The following HPCAL1 variants were observed in gnomAD, a reference collection of about 807,000 sequenced individuals.
HPCAL1 encodes the protein hippocalcin-like protein 1.
Under a neutral mutation model 17.1 loss-of-function variants are expected in HPCAL1, and 8 were observed. That is an observed-to-expected ratio of 0.47 (90% CI 0.27 to 0.84). HPCAL1 has a LOEUF of 0.84. Ranked by LOEUF, HPCAL1 falls within the 40% of genes least tolerant of loss-of-function variation. HPCAL1 has a pLI of 0.13. For missense variants in HPCAL1, 165 were observed against 271.1 expected (o/e 0.61, Z 2.75); for synonymous variants, 112 against 111.4 (o/e 1.01, Z -0.03).
At chr2:10,409,202 A>G (rs976785005) in intron 2 of HPCAL1, among the ~76,000 whole-genome samples, 1 of 152,224 alleles carries the variant, frequency 6.6e-6, no homozygotes, top group African/African-American at 2.4e-5. Flanking sequence ...GGTTGTGACC[A>G]TAGTGGACAA....
At chr2:10,369,709 G>C (rs1157951223) in intron 1 of HPCAL1, among the ~76,000 whole-genome samples, 1 of 152,208 alleles carries the variant, frequency 6.6e-6, no homozygotes, top group African/African-American at 2.4e-5. Flanking sequence ...TGGTGGTTAA[G>C]CCAGCTAACT....
chr2:10,375,581 A>G (rs1572751094), intron 1 of HPCAL1, among the ~76,000 whole-genome samples: 1 of 152,262 alleles, frequency 6.6e-6, no homozygotes, highest in South Asian at 2.1e-4. Flanking sequence ...TTGGGTTAAC[A>G]TAAACTCTGA....
At chr2:10,404,178 G>A (rs1229884092) in intron 2 of HPCAL1, among the ~76,000 whole-genome samples, 2 of 152,136 alleles carry the variant, frequency 1.3e-5, no homozygotes, top group African/African-American at 2.4e-5. Flanking sequence ...GGGCCTGCGA[G>A]TCATTGACAC....
At chr2:10,407,036 C>T (rs1039983205) in intron 2 of HPCAL1, among the ~76,000 whole-genome samples, 1 of 152,132 alleles carries the variant, frequency 6.6e-6, no homozygotes, top group Non-Finnish European at 1.5e-5. Flanking sequence ...GATGACGCCG[C>T]ACTGGTCCAG....
At chr2:10,425,177 G>A (rs1289716867) in intron 4 of HPCAL1, 2 of 156,126 alleles carry the variant, frequency 1.3e-5, no homozygotes, top group African/African-American at 4.8e-5. Context: ...ACTGGAAGTG[G>A]GGAGGCTGGG....
At chr2:10,421,118 G>C (rs1451689051) in intron 3 of HPCAL1, among the ~76,000 whole-genome samples, 1 of 152,216 alleles carries the variant, frequency 6.6e-6, no homozygotes, top group African/African-American at 2.4e-5. Context: ...AAGACCTGGG[G>C]AAAGCCCTGG....
intron 1 of HPCAL1, among the ~76,000 whole-genome samples, chr2:10,355,771 C>CTT (rs922309061): frequency 2.0e-5 from 3 of 148,558 alleles, no homozygotes; most frequent in African/African-American, 7.4e-5. Flanking sequence ...GAGATGGACA[C>CTT]TTTTTTTTTT....
chr2:10,340,929 G>T (rs538590124), intron 1 of HPCAL1, among the ~76,000 whole-genome samples: 1 of 152,096 alleles, frequency 6.6e-6, no homozygotes, highest in South Asian at 2.1e-4. Flanking sequence ...CTCTTCTCTG[G>T]GTTAAATTAT....
chr2:10,373,199 C>T (rs1187244395), intron 1 of HPCAL1, among the ~76,000 whole-genome samples: 1 of 152,200 alleles, frequency 6.6e-6, no homozygotes, highest in African/African-American at 2.4e-5. Flanking sequence ...AGAGGATGAT[C>T]TGGGAAGGAG....
intron 1 of HPCAL1, among the ~76,000 whole-genome samples, chr2:10,317,268 C>T (rs1456634421): frequency 6.6e-6 from 1 of 152,198 alleles, no homozygotes; most frequent in Non-Finnish European, 1.5e-5. Flanking sequence ...ATGAATCCTA[C>T]ATAACCCTAC....
At chr2:10,424,821 G>A (rs1435162397) in intron 4 of HPCAL1, 1 of 351,990 alleles carries the variant, frequency 2.8e-6, no homozygotes, top group Non-Finnish European at 5.7e-6. Flanking sequence ...GGACTGCTCA[G>A]GAGTGATGGT....
In HPCAL1 at chr2:10,354,292, T is replaced by C. The variant is rs912758245; in HGVS notation, c.-110-42543T>C. On this transcript the variant is annotated intron_variant, in intron 1 of 4. Coordinates refer to ENST00000307845, the MANE Select transcript of HPCAL1 (RefSeq NM_002149.4). The surrounding 1 kb of genome is among the most constrained non-coding windows in gnomAD (Gnocchi z 5.1). ...AATCCTGCGTGTCCTCGTTCTTCAT[T>C]CCACAAATACGTTCTAAGGGCCTCC... is the stretch of plus-strand genomic sequence containing the variant. 4.6e-5 allele frequency: 7 copies of C among 152,190 alleles called. No homozygotes were observed. Among genetic ancestry groups the C allele is most frequent in the African/African-American group, 1.7e-4 (7 of 41,414 alleles). 9.4% of individuals were successfully genotyped at this position (152,190 alleles called of 1,614,324 possible).
At chr2:10,311,687 G>A (rs1662968476) in intron 1 of HPCAL1, among the ~76,000 whole-genome samples, 1 of 152,072 alleles carries the variant, frequency 6.6e-6, no homozygotes, top group Non-Finnish European at 1.5e-5. Context: ...GCAGTGTAAA[G>A]GGCTCACTGT....
rs113295676 is a variant in HPCAL1, at chr2:10,317,035, C to T, written c.-111+13858C>T. ...TTAACACCGAGGCAGGAAGCCTGCT[C>T]GCCTATCACTGGAGACAGGTAGGTT... On this transcript the variant is annotated intron_variant, in intron 1 of 4. Coordinates refer to ENST00000307845, the MANE Select transcript of HPCAL1 (RefSeq NM_002149.4). Among the ~76,000 whole-genome samples, 1,097 of 152,300 alleles carry T rather than the reference C, an allele frequency of 7.2e-3. 21 individuals are homozygous for T. The highest frequency in any genetic ancestry group is 0.025 in the African/African-American group (1,032 of 41,548).
chr2:10,378,281 C>T (rs1240562771), intron 1 of HPCAL1, among the ~76,000 whole-genome samples: 2 of 140,638 alleles, frequency 1.4e-5, no homozygotes, highest in Non-Finnish European at 3.0e-5. Context: ...GACTCGTTTG[C>T]ACACACAGTT....
intron 1 of HPCAL1, among the ~76,000 whole-genome samples, chr2:10,321,278 G>T (rs1663651809): frequency 6.6e-6 from 1 of 152,114 alleles, no homozygotes; most frequent in Non-Finnish European, 1.5e-5. Flanking sequence ...GAACCAAGGG[G>T]ATGGTGAGAA....
At chr2:10,353,835 T>C (rs1665981504) in intron 1 of HPCAL1, among the ~76,000 whole-genome samples, 1 of 152,208 alleles carries the variant, frequency 6.6e-6, no homozygotes, top group Non-Finnish European at 1.5e-5. Context: ...GTTCTGGGAT[T>C]ACAGGCGTGA....
chr2:10,408,138 G>C (rs1670089628), intron 2 of HPCAL1, among the ~76,000 whole-genome samples: 1 of 152,176 alleles, frequency 6.6e-6, no homozygotes, highest in Non-Finnish European at 1.5e-5. Context: ...ACAGCTCTTG[G>C]GGATTTCCCT....
intron 1 of HPCAL1, among the ~76,000 whole-genome samples, chr2:10,305,508 C>A (rs1479480122): frequency 6.6e-6 from 1 of 152,194 alleles, no homozygotes; most frequent in Non-Finnish European, 1.5e-5. Flanking sequence ...TCTAGCCTTG[C>A]CTGCTCCCTC....
Sources: gnomAD v4.1 joint callset for allele counts (sites outside exome capture counted in the v4.1 genomes callset) on GRCh38, gnomAD v4.1.1 for gene constraint, Gnocchi (gnomAD v3.1) non-coding constraint, MANE v1.5 for transcripts, NCBI Gene and HGNC (gene_info 2026-07-23, HGNC 2026-07-21) for gene names.